TPRG1: variants seen among roughly 807,000 people sequenced by gnomAD.
TPRG1 encodes the protein tumor protein p63 regulated 1, also known as tumor protein p63-regulated gene 1 protein.
Under a neutral mutation model 29.3 loss-of-function variants are expected in TPRG1, and 29 were observed. The ratio of observed to expected loss-of-function variants is 0.99; its 90% CI spans 0.74 to 1.35. The LOEUF is 1.35. Among genes scored for constraint, TPRG1 ranks in the 40% most tolerant of loss-of-function variants. TPRG1 has a pLI of 0.00. For synonymous variants in TPRG1, 130 were observed against 116.8 expected, an observed-to-expected ratio of 1.11 and a Z score of -0.73; for missense variants, 327 against 335.0, an observed-to-expected ratio of 0.98 and a Z score of 0.19.
rs145781242 is a variant in TPRG1 at position 189,042,965 on chromosome 3, C to T, written c.-463+19019C>T. ...CAGCTGAAACAAGCTAGAGTAAGCC[C>T]GGTGCCTGTCACCGTTTGTAACCAG... On this transcript the variant is annotated intron_variant, in intron 4 of 10. Coordinates refer to the TPRG1 transcript ENST00000433971. Among the ~76,000 whole-genome samples the T allele has an allele frequency of 6.4e-3, 980 of 152,228 alleles. 8 individuals carry two copies. Among genetic ancestry groups the T allele is most frequent in the African/African-American group, 0.022 (931 of 41,544 alleles).
chr3:189,004,741 C>T (rs543514125), exon 3 of TPRG1: 1 of 152,274 alleles, frequency 6.6e-6, no homozygotes, highest in South Asian at 2.1e-4. Flanking sequence ...CAAATGCCTA[C>T]TCAGCCTCTA....
intron 1 of TPRG1, among the ~76,000 whole-genome samples, chr3:189,119,450 T>C (rs1721569085): frequency 6.6e-6 from 1 of 152,154 alleles, no homozygotes; most frequent in South Asian, 2.1e-4. Context: ...AGGGGCACGA[T>C]TGCGTTTTGA....
At chr3:189,078,641 G>A (rs1717384259) in intron 4 of TPRG1, among the ~76,000 whole-genome samples, 1 of 151,924 alleles carries the variant, frequency 6.6e-6, no homozygotes, top group South Asian at 2.1e-4. Context: ...ATGAATTCAG[G>A]GTTATGAAGA....
Position 189,021,770 on chromosome 3 carries a change from C to T in TPRG1, c.-659-1980C>T, listed in dbSNP as rs375481414. Among the ~76,000 whole-genome samples the T allele has an allele frequency of 9.3e-4, 141 of 152,078 alleles. 1 individual carries two copies. The East Asian group carries it at 0.021, about 23-fold the overall frequency. ...GTTCTCTGTATTTCCTGAATTTGAA[C>T]GTTGGCCTGCCTTGCTAGATTGGGG... On this transcript the variant is annotated intron_variant, in intron 3 of 10. Coordinates refer to the TPRG1 transcript ENST00000433971.
At chr3:189,151,015 C>G (rs1725871709) in intron 5 of TPRG1, 1 of 152,206 alleles carries the variant, frequency 6.6e-6, no homozygotes, top group Non-Finnish European at 1.5e-5. Flanking sequence ...TCTTCCATTT[C>G]TGACAGTGCT....
At chr3:189,032,080 A>G (rs1357492484) in intron 4 of TPRG1, among the ~76,000 whole-genome samples, 2 of 152,204 alleles carry the variant, frequency 1.3e-5, no homozygotes, top group African/African-American at 2.4e-5. Flanking sequence ...GTTACCTTAC[A>G]TAGCAAAAGA....
chr3:189,218,714 C>T (rs998410215), intron 3 of TPRG1, among the ~76,000 whole-genome samples: 7 of 152,194 alleles, frequency 4.6e-5, no homozygotes, highest in Non-Finnish European at 5.9e-5. Context: ...ACATGAAGTG[C>T]CCAAATGAAG....
At chr3:189,250,429 G>A (rs1223948334) in intron 4 of TPRG1, among the ~76,000 whole-genome samples, 1 of 146,002 alleles carries the variant, frequency 6.8e-6, no homozygotes, top group Non-Finnish European at 1.5e-5. Flanking sequence ...CTTATTGTTA[G>A]GTTCTAATGA....
chr3:189,154,875 T>C (rs960546508), intron 5 of TPRG1, among the ~76,000 whole-genome samples: 1 of 151,422 alleles, frequency 6.6e-6, no homozygotes, highest in Non-Finnish European at 1.5e-5. Flanking sequence ...GAAAGGTGAG[T>C]GGGTTGGGGT....
intron 4 of TPRG1, among the ~76,000 whole-genome samples, chr3:189,275,964 T>G (rs1193395577): frequency 1.3e-5 from 2 of 152,142 alleles, no homozygotes; most frequent in Admixed American, 6.5e-5. Context: ...AGGGATATCT[T>G]GTTCAGACAC....
chr3:189,199,811 C>T lies in TPRG1; in HGVS notation c.-9-7565C>T, dbSNP rs538126264. On this transcript the variant is annotated intron_variant, in intron 1 of 5. Coordinates refer to ENST00000345063, the MANE Select transcript of TPRG1 (RefSeq NM_198485.4). The stretch of plus-strand genomic sequence containing the variant: ...AGGCGAATCTCTTGAACCCTGGAGG[C>T]AGAGGTTGCAGTGAGCTGAGATCAC... Among the ~76,000 whole-genome samples the T allele has an allele frequency of 8.5e-5, 13 of 152,200 alleles. No individual in the cohort carries two copies. The South Asian group carries it at 1.5e-3, about 17-fold the overall frequency.
At chr3:189,086,132 C>T (rs112309705) in intron 4 of TPRG1, among the ~76,000 whole-genome samples, 152 of 152,218 alleles carry the variant, frequency 1.0e-3, no homozygotes, top group African/African-American at 3.6e-3. Flanking sequence ...CCTGGCAAAC[C>T]ACTAGTGTAG....
Position 189,322,088 on chromosome 3 carries a change from A to AG in TPRG1, c.*1269dup, listed in dbSNP as rs1190545112. On this transcript the variant is annotated 3_prime_UTR_variant, in exon 6 of 6. Coordinates refer to ENST00000345063, the MANE Select transcript of TPRG1 (RefSeq NM_198485.4). ...AGTCTTATTTTATCTAAATTTATGT[A>AG]GAAAAAAAAGCTTTGAATGTTGACT... 1 of 152,024 alleles carries AG rather than the reference A, an allele frequency of 6.6e-6. No individual in the cohort carries two copies. Among genetic ancestry groups the AG allele is most frequent in the Non-Finnish European group, 1.5e-5 (1 of 67,980 alleles). 9.4% of individuals were successfully genotyped at this position (152,024 alleles called of 1,614,324 possible).
At chr3:189,233,851 T>A (rs1739048526) in intron 3 of TPRG1, among the ~76,000 whole-genome samples, 4 of 152,178 alleles carry the variant, frequency 2.6e-5, no homozygotes, top group Admixed American at 2.6e-4. Context: ...GAAGCACTGA[T>A]AGAGGCATGT....
intron 4 of TPRG1, among the ~76,000 whole-genome samples, chr3:189,242,771 A>C (rs1447520493): frequency 6.6e-6 from 1 of 152,174 alleles, no homozygotes; most frequent in East Asian, 1.9e-4. Context: ...GGAAATTCTC[A>C]TAATAAAGTT....
chr3:189,094,342 AT>A (rs1718534950), intron 4 of TPRG1, among the ~76,000 whole-genome samples: 1 of 151,978 alleles, frequency 6.6e-6, no homozygotes, highest in South Asian at 2.1e-4. Flanking sequence ...CTCCAGTACA[AT>A]TTTTCTCTCT....
intron 4 of TPRG1, among the ~76,000 whole-genome samples, chr3:189,270,597 C>G (rs1473429499): frequency 6.6e-6 from 1 of 152,176 alleles, no homozygotes; most frequent in African/African-American, 2.4e-5. Context: ...TCCTTTCTTT[C>G]CCACTGTTTG....
intron 4 of TPRG1, among the ~76,000 whole-genome samples, chr3:189,029,170 A>G (rs1713814259): frequency 6.6e-6 from 1 of 152,186 alleles, no homozygotes; most frequent in South Asian, 2.1e-4. Context: ...ATCCTGAGCT[A>G]AGGGAGCCAG....
At chr3:189,103,939 T>A (rs1358953829) in intron 1 of TPRG1, among the ~76,000 whole-genome samples, 2 of 152,218 alleles carry the variant, frequency 1.3e-5, no homozygotes, top group African/African-American at 2.4e-5. Context: ...ATCCTGACTT[T>A]GTCTTAGTCC....
Sources: allele counts gnomAD v4.1 joint callset (sites outside exome capture counted in the v4.1 genomes callset), GRCh38; gene constraint gnomAD v4.1.1; transcripts MANE v1.5; gene names NCBI Gene and HGNC (gene_info 2026-07-23, HGNC 2026-07-21).